BPHL: variants seen among roughly 807,000 people sequenced by gnomAD.
BPHL encodes the protein serine hydrolase BPHL.
BPHL carries 27 observed loss-of-function variants against 31.2 expected under a neutral mutation model. The observed-to-expected ratio is 0.87, with a 90% confidence interval of 0.64 to 1.19. The LOEUF (loss-of-function observed/expected upper bound fraction) is 1.19. BPHL is among the 50% of genes most tolerant of loss of function. The probability of loss-of-function intolerance (pLI) is 0.00; values close to 1 mark genes in which losing one functional copy is unlikely to be tolerated. For synonymous variants in BPHL, 150 were observed against 146.8 expected (o/e 1.02, Z -0.16); for missense variants, 356 against 375.7 (o/e 0.95, Z 0.43).
chr6:3,145,970 G>A (rs1469716842), intron 6 of BPHL, among the ~76,000 whole-genome samples: 2 of 69,856 alleles, frequency 2.9e-5, no homozygotes, highest in African/African-American at 1.1e-4. Context: ...GGTTTGGGTC[G>A]GAGTGCTGGT....
intron 6 of BPHL, among the ~76,000 whole-genome samples, chr6:3,142,519 A>G (rs576678926): frequency 1.6e-3 from 251 of 152,308 alleles, no homozygotes; most frequent in Non-Finnish European, 3.0e-3. Flanking sequence ...TTTAAAAGGT[A>G]TTTTATATAT....
intron 2 of BPHL, among the ~76,000 whole-genome samples, chr6:3,124,323 A>G (rs1761658509): frequency 6.6e-6 from 1 of 152,216 alleles, no homozygotes; most frequent in Non-Finnish European, 1.5e-5. Flanking sequence ...ATTTTGCAGA[A>G]CTGGAGTTCA....
Position 3,140,416 on chromosome 6 carries a change from T to C in BPHL, c.695T>C (p.Val232Ala), listed in dbSNP as rs1234377166. 4 of 1,613,808 alleles carry C rather than the reference T, an allele frequency of 2.5e-6. No individual in the cohort carries two copies. The African/African-American group carries it at 5.3e-5, about 22-fold the overall frequency. ...ATCTGCCGGCACCTGCTGCCCCGGG[T>C]CCAGTGCCCCGCCTTGATTGTGCAC... ...GNICRHLLPR[V>A]QCPALIVHGE... Residue 232 changes from valine to alanine, a missense_variant, in exon 6 of 7, where the codon GTC becomes GCC. Val to Ala is a moderately conservative substitution (Grantham distance 64, BLOSUM62 0). Coordinates refer to ENST00000380379, the MANE Select transcript of BPHL (RefSeq NM_004332.4). This position sits in a 1 kb window ranked among gnomAD's most constrained non-coding sequence, Gnocchi z 5.2.
At chr6:3,122,421 A>G (rs1042551218) in intron 1 of BPHL, among the ~76,000 whole-genome samples, 24 of 152,212 alleles carry the variant, frequency 1.6e-4, no homozygotes, top group Non-Finnish European at 3.5e-4. Flanking sequence ...TCACTCAGTC[A>G]TCTGTCTGAT....
chr6:3,120,195 C>T (rs1395691166), intron 1 of BPHL, among the ~76,000 whole-genome samples: 3 of 152,146 alleles, frequency 2.0e-5, no homozygotes, highest in African/African-American at 7.2e-5. Context: ...CCACCATGCC[C>T]GGCTAATTTT....
chr6:3,137,325 A>G, intron 4 of BPHL, 37 bp from the exon 5 acceptor site: 1 of 1,608,618 alleles, frequency 6.2e-7, no homozygotes, highest in African/African-American at 1.3e-5. Flanking sequence ...TTTAGTATGA[A>G]ATTAAACCTT....
intron 6 of BPHL, among the ~76,000 whole-genome samples, chr6:3,146,190 C>G (rs1301988401): frequency 1.9e-5 from 1 of 52,224 alleles, no homozygotes; most frequent in Non-Finnish European, 4.0e-5. Context: ...GGGTGGAGTG[C>G]TGGTTCGGGG....
intron 1 of BPHL, among the ~76,000 whole-genome samples, chr6:3,122,209 G>A (rs998117390): frequency 5.9e-5 from 9 of 152,200 alleles, no homozygotes; most frequent in African/African-American, 1.9e-4. Context: ...GAACCCGGGA[G>A]GTGGAACTTG....
chr6:3,129,047 G>T lies in BPHL; in HGVS notation c.381G>T (p.Ala127=), dbSNP rs150230595. The T allele has an allele frequency of 2.5e-6, 4 of 1,614,246 alleles. No individual in the cohort carries two copies. Among genetic ancestry groups the T allele is most frequent in the Non-Finnish European group, 2.5e-6 (3 of 1,180,040 alleles). ...DAKDAVDLMK[A]LKFKKVSLLG... ...TGCATTTTGTCGTATGATCATAGGC[G>T]CTGAAGTTTAAGAAGGTTTCTCTGC... Residue 127 remains alanine, a splice_region_variant and synonymous_variant, in exon 4 of 7, where the codon GCG becomes GCT. Transcript: ENST00000380379.
Position 3,152,580 on chromosome 6 carries a change from G to A in BPHL, c.*5G>A, listed in dbSNP as rs769567925. On this transcript the variant is annotated 3_prime_UTR_variant, in exon 7 of 7. Coordinates refer to ENST00000380379, the MANE Select transcript of BPHL (RefSeq NM_004332.4). The stretch of plus-strand genomic sequence containing the variant: ...GCAGAAGACTTCCTACAATGAGAAT[G>A]CACACTCCAGTCTTGGTGGTTCCTT... 3 of 1,612,152 alleles carry A rather than the reference G, an allele frequency of 1.9e-6. No individual in the cohort carries two copies. The South Asian group carries it at 3.3e-5, about 18-fold the overall frequency.
At chr6:3,134,530 A>AAC (rs1761957858) in intron 4 of BPHL, among the ~76,000 whole-genome samples, 1 of 144,954 alleles carries the variant, frequency 6.9e-6, no homozygotes, top group Non-Finnish European at 1.5e-5. Flanking sequence ...CTGCTTGCTC[A>AAC]ACATCAAACT....
At chr6:3,136,136 A>G (rs1762012162) in intron 4 of BPHL, among the ~76,000 whole-genome samples, 1 of 152,198 alleles carries the variant, frequency 6.6e-6, no homozygotes, top group South Asian at 2.1e-4. Flanking sequence ...TTTGTGAAAG[A>G]TCTAGTTATT....
intron 1 of BPHL, among the ~76,000 whole-genome samples, 159 bp downstream of exon 1, chr6:3,119,006 C>G (rs1444545297): frequency 1.3e-5 from 2 of 152,064 alleles, no homozygotes; most frequent in Non-Finnish European, 2.9e-5. Context: ...GACCCCGATC[C>G]TGGGGGCCAG....
intron 4 of BPHL, among the ~76,000 whole-genome samples, chr6:3,131,865 C>T (rs774070868): frequency 7.9e-5 from 12 of 152,322 alleles, no homozygotes; most frequent in African/African-American, 1.2e-4. Context: ...CTTGGGCCTC[C>T]GCGTCTGGGA....
rs747166784 is a variant in BPHL at position 3,152,622 on chromosome 6, G to A, written c.*47G>A. The A allele has an allele frequency of 1.6e-5, 24 of 1,533,090 alleles. No individual in the cohort carries two copies. Among genetic ancestry groups the A allele is most frequent in the East Asian group, 1.1e-4 (5 of 43,670 alleles). The allele number at this position is 1,533,090 out of a possible 1,614,324, so 95.0% of individuals were successfully genotyped here. A position where few individuals can be genotyped will look rare whatever the true frequency, so the allele number is the denominator to read the frequency against. On this transcript the variant is annotated 3_prime_UTR_variant, in exon 7 of 7. Coordinates refer to ENST00000380379, the MANE Select transcript of BPHL (RefSeq NM_004332.4). The stretch of plus-strand genomic sequence containing the variant: ...TGGTTCCTTCGTGTGGGGCTTGATC[G>A]TGTTGCTGCCTGTTAACATGATGCC...
chr6:3,146,725 T>TGAGTGCTGGTTTGGGTCG (rs1393050950), intron 6 of BPHL, among the ~76,000 whole-genome samples: 1 of 96,360 alleles, frequency 1.0e-5, no homozygotes, highest in African/African-American at 4.1e-5. Flanking sequence ...TGGTTTGGGT[T>TGAGTGCTGGTTTGGGTCG]GAGTGCTGGT....
In BPHL at chr6:3,152,492, C is replaced by A. The variant is rs1231437323; in HGVS notation, c.793C>A (p.His265Asn). ...IHKHVKGSRLHLMPEGKHNLH... is the reference protein window; with the variant it reads ...IHKHVKGSRLNLMPEGKHNLH... ...TATTTTTAATTCCTTTTTTAGGCTG[C>A]ATTTGATGCCAGAAGGCAAACACAA... The change falls in exon 7 of 7, where the codon CAT becomes AAT. Residue 265 changes from histidine to asparagine, a missense_variant. Transcript: ENST00000380379. 9.3e-6 allele frequency: 15 copies of A among 1,612,536 alleles called. No homozygotes were observed. Among genetic ancestry groups the A allele is most frequent in the Non-Finnish European group, 1.3e-5 (15 of 1,179,358 alleles).
intron 4 of BPHL, among the ~76,000 whole-genome samples, chr6:3,131,263 C>T (rs1031499859): frequency 6.6e-6 from 1 of 152,118 alleles, no homozygotes; most frequent in African/African-American, 2.4e-5. Context: ...TTCTAGCCCC[C>T]TCTACTGAAA....
intron 6 of BPHL, among the ~76,000 whole-genome samples, chr6:3,143,243 AACACTTAAAGGCACAG>A (rs1050080757): frequency 1.3e-5 from 2 of 152,130 alleles, no homozygotes; most frequent in African/African-American, 4.8e-5. Context: ...CAAACAAAAA[AACACTTAAAGGCACAG>A]ACTATCCCTT....
Sources: gnomAD v4.1 joint callset for allele counts (sites outside exome capture counted in the v4.1 genomes callset) on GRCh38, gnomAD v4.1.1 for gene constraint, Gnocchi (gnomAD v3.1) non-coding constraint, MANE v1.5 for transcripts, NCBI Gene and HGNC (gene_info 2026-07-23, HGNC 2026-07-21) for gene names.